LRRC7: variants seen among roughly 807,000 people sequenced by gnomAD.
LRRC7 encodes leucine rich repeat containing 7.
Under a neutral mutation model 175.7 loss-of-function variants are expected in LRRC7, and 23 were observed. The ratio of observed to expected loss-of-function variants is 0.13; its 90% CI spans 0.09 to 0.19. The LOEUF (loss-of-function observed/expected upper bound fraction) is 0.19. LRRC7 is among the 10% of genes least tolerant of loss of function. The pLI, the probability that LRRC7 is intolerant of heterozygous loss-of-function variation, is 1.00. For synonymous variants in LRRC7, 685 were observed against 680.9 expected (o/e 1.01, Z -0.09); for missense variants, 1,354 against 1,904.7 (o/e 0.71, Z 5.38).
chr1:70,013,841 C>A (rs2101956776), intron 13 of LRRC7: 1 of 152,042 alleles, frequency 6.6e-6, no homozygotes, highest in South Asian at 2.1e-4. Flanking sequence ...ATAAAAGGAA[C>A]TGAGAGAACT....
At chr1:70,006,865 A>C (rs1031472935) in intron 11 of LRRC7, among the ~76,000 whole-genome samples, 1 of 152,190 alleles carries the variant, frequency 6.6e-6, no homozygotes, top group African/African-American at 2.4e-5. Flanking sequence ...TATTATAAAG[A>C]ATATTACAAG....
chr1:69,600,800 C>CTT (rs59212223), intron 1 of LRRC7, among the ~76,000 whole-genome samples: 2,667 of 64,836 alleles, frequency 0.041, 908 homozygotes, highest in African/African-American at 0.075. Context: ...TCTCTGGTTT[C>CTT]TTTTTTTTTT....
In LRRC7 at chr1:69,625,201, CTT is replaced by C. The variant is rs908788366; in HGVS notation, c.3-53179_3-53178del. ...AAAGGAGTATTTTGGTTTTTCTCCT[CTT>C]ATGTCAATTTTATTAAGCTGTATTT... On this transcript the variant is annotated intron_variant, in intron 1 of 26. Coordinates refer to ENST00000651989, the MANE Select transcript of LRRC7 (RefSeq NM_001370785.2). Among the ~76,000 whole-genome samples the C allele has an allele frequency of 1.1e-4, 17 of 151,482 alleles. 1 individual carries two copies. The highest frequency in any genetic ancestry group is 9.9e-4 in the Admixed American group (15 of 15,196).
intron 2 of LRRC7, among the ~76,000 whole-genome samples, chr1:69,722,295 G>A (rs972842652): frequency 2.6e-5 from 4 of 151,840 alleles, no homozygotes; most frequent in Admixed American, 6.6e-5. Context: ...CCTTACTGTC[G>A]TACATTGTAT....
In LRRC7 at chr1:69,792,028, T is replaced by C. The variant is rs779798360; in HGVS notation, c.304-15T>C. 1 of 1,466,552 alleles carries C rather than the reference T, an allele frequency of 6.8e-7. No individual in the cohort carries two copies. Among genetic ancestry groups the C allele is most frequent in the Admixed American group, 1.8e-5 (1 of 55,010 alleles). The allele number at this position is 1,466,552 out of a possible 1,614,324, so 90.8% of individuals were successfully genotyped here. On this transcript the variant is annotated splice_polypyrimidine_tract_variant and intron_variant, in intron 3 of 26. Transcript: ENST00000651989. ...ACCAAATTGAGATCTAATTAATGAT[T>C]ATTTTCTATTACAGCAATTGTTCAA...
intron 8 of LRRC7, among the ~76,000 whole-genome samples, chr1:69,979,783 G>T (rs1464338079): frequency 6.6e-6 from 1 of 151,848 alleles, no homozygotes; most frequent in Non-Finnish European, 1.5e-5. Flanking sequence ...AAAGTCAATG[G>T]GGCTTATTCA....
intron 1 of LRRC7, among the ~76,000 whole-genome samples, chr1:69,657,194 T>C (rs1656728942): frequency 6.6e-6 from 1 of 151,848 alleles, no homozygotes; most frequent in African/African-American, 2.4e-5. Flanking sequence ...ATTTCTATGT[T>C]ACTAATGTGA....
intron 7 of LRRC7, among the ~76,000 whole-genome samples, chr1:69,846,289 T>C (rs1366820090): frequency 6.6e-6 from 1 of 152,038 alleles, no homozygotes; most frequent in East Asian, 1.9e-4. Flanking sequence ...CAACACAAAA[T>C]TAAGAATGAT....
At chr1:69,568,883 G>C (rs1353142221) in intron 1 of LRRC7, among the ~76,000 whole-genome samples, 5 of 152,218 alleles carry the variant, frequency 3.3e-5, no homozygotes, top group Admixed American at 6.5e-5. Flanking sequence ...GCACCGAGTA[G>C]CTTGAGCTGG....
At chr1:69,926,849 T>C (rs989100081) in intron 7 of LRRC7, among the ~76,000 whole-genome samples, 2 of 152,226 alleles carry the variant, frequency 1.3e-5, no homozygotes, top group African/African-American at 4.8e-5. Context: ...ATCCTGTCGT[T>C]ATGCTGTTAG....
chr1:69,898,786 C>A (rs767193443), intron 7 of LRRC7, among the ~76,000 whole-genome samples: 1 of 152,224 alleles, frequency 6.6e-6, no homozygotes, highest in Admixed American at 6.5e-5. Flanking sequence ...CCTGAGCGCC[C>A]AATTCACTGA....
intron 17 of LRRC7, 65 bp from the exon 18 acceptor site, chr1:70,028,106 G>T (rs897825499): frequency 1.5e-6 from 2 of 1,340,802 alleles, no homozygotes; most frequent in Non-Finnish European, 2.1e-6. Context: ...TATAAAATGG[G>T]ATAGTTTTGT....
chr1:69,836,248 A>G (rs1488308533), intron 6 of LRRC7, among the ~76,000 whole-genome samples: 1 of 152,022 alleles, frequency 6.6e-6, no homozygotes, highest in African/African-American at 2.4e-5. Flanking sequence ...AGATCACGAC[A>G]TCACTACACT....
chr1:69,723,546 G>C (rs988190409), intron 2 of LRRC7, among the ~76,000 whole-genome samples: 5 of 152,158 alleles, frequency 3.3e-5, no homozygotes, highest in African/African-American at 1.2e-4. Flanking sequence ...AAGAGAATTT[G>C]GAAATTAAAA....
intron 1 of LRRC7, among the ~76,000 whole-genome samples, chr1:69,632,525 A>G (rs1652677214): frequency 6.6e-6 from 1 of 152,164 alleles, no homozygotes; most frequent in Non-Finnish European, 1.5e-5. Flanking sequence ...TCAAGAAGCC[A>G]TTTTACATTA....
chr1:70,058,118 G>A (rs747541604), intron 23 of LRRC7, among the ~76,000 whole-genome samples: 4 of 150,110 alleles, frequency 2.7e-5, no homozygotes, highest in East Asian at 2.0e-4. Flanking sequence ...CAAGTGATTC[G>A]CGCGCCTCAC....
chr1:69,794,917 C>G (rs1675540549), intron 4 of LRRC7, among the ~76,000 whole-genome samples: 1 of 152,140 alleles, frequency 6.6e-6, no homozygotes, highest in African/African-American at 2.4e-5. Flanking sequence ...GCTTATGATT[C>G]TGTATTTTCT....
chr1:69,695,390 C>T (rs894354515), intron 2 of LRRC7, among the ~76,000 whole-genome samples: 4 of 152,160 alleles, frequency 2.6e-5, no homozygotes, highest in African/African-American at 9.7e-5. Context: ...AAAGAAATAA[C>T]TTAAATTTGG....
intron 14 of LRRC7, among the ~76,000 whole-genome samples, chr1:70,017,569 T>C (rs988072062): frequency 6.6e-6 from 1 of 152,174 alleles, no homozygotes; most frequent in Non-Finnish European, 1.5e-5. Flanking sequence ...AAACAATTCA[T>C]CTTGAATTTA....
Sources: gnomAD v4.1 joint callset for allele counts (sites outside exome capture counted in the v4.1 genomes callset) on GRCh38, gnomAD v4.1.1 for gene constraint, MANE v1.5 for transcripts, NCBI Gene and HGNC (gene_info 2026-07-23, HGNC 2026-07-21) for gene names.